The following GPC6 variants were observed in gnomAD, a reference collection of about 807,000 sequenced individuals.
GPC6 encodes glypican-6.
In GPC6, 14 loss-of-function variants were observed where a neutral mutation model predicts 55.2. The ratio of observed to expected loss-of-function variants is 0.25; its 90% confidence interval spans 0.17 to 0.40. GPC6 has a LOEUF of 0.40. Among genes scored for constraint, GPC6 ranks in the 10% least tolerant of loss-of-function variants. GPC6 has a pLI of 1.00. For synonymous variants in GPC6, 278 were observed against 259.6 expected (o/e 1.07, Z -0.68); for missense variants, 641 against 708.5 (o/e 0.90, Z 1.08).
At chr13:93,471,357 A>C (rs1594193448) in intron 1 of GPC6, among the ~76,000 whole-genome samples, 3 of 26,422 alleles carry the variant, frequency 1.1e-4, no homozygotes, top group Admixed American at 1.0e-3. Flanking sequence ...TTCTAAAAAT[A>C]CAAAAAAAAA....
chr13:93,891,943 A>C (rs1365611855), intron 3 of GPC6, among the ~76,000 whole-genome samples: 1 of 151,836 alleles, frequency 6.6e-6, no homozygotes, highest in African/African-American at 2.4e-5. Context: ...TAGTGTATGC[A>C]TGTGTGTATA....
intron 2 of GPC6, among the ~76,000 whole-genome samples, chr13:93,584,006 G>A (rs1200166675): frequency 2.0e-5 from 3 of 152,124 alleles, no homozygotes; most frequent in Non-Finnish European, 2.9e-5. Flanking sequence ...CTACATGGCC[G>A]CATAAAGTTG....
intron 4 of GPC6, among the ~76,000 whole-genome samples, chr13:94,182,705 C>T (rs1266667609): frequency 6.6e-6 from 1 of 152,140 alleles, no homozygotes; most frequent in Non-Finnish European, 1.5e-5. Flanking sequence ...GTTGTCCACA[C>T]ACAATTTTTA....
At chr13:94,034,994 A>G (rs940434940) in intron 4 of GPC6, among the ~76,000 whole-genome samples, 4 of 151,566 alleles carry the variant, frequency 2.6e-5, no homozygotes, top group African/African-American at 7.3e-5. Context: ...TTTAATTTCT[A>G]TGAGAAACAA....
At chr13:93,575,479 A>G (rs1209219640) in intron 2 of GPC6, among the ~76,000 whole-genome samples, 2 of 152,194 alleles carry the variant, frequency 1.3e-5, no homozygotes, top group South Asian at 4.1e-4. Flanking sequence ...TTTCAGATTC[A>G]GTAGATCTGG....
At chr13:94,026,797 G>C (rs866397355) in intron 3 of GPC6, among the ~76,000 whole-genome samples, 1 of 152,120 alleles carries the variant, frequency 6.6e-6, no homozygotes, top group Non-Finnish European at 1.5e-5. Context: ...CATGGTGGCA[G>C]TGAGGAGAAG....
At chr13:93,531,522 C>T (rs985327781) in intron 1 of GPC6, among the ~76,000 whole-genome samples, 1 of 152,090 alleles carries the variant, frequency 6.6e-6, no homozygotes, top group African/African-American at 2.4e-5. Context: ...AGGGTGATCT[C>T]CTTTACTTAA....
At chr13:94,080,617 T>A (rs189807704) in intron 4 of GPC6, among the ~76,000 whole-genome samples, 12 of 152,236 alleles carry the variant, frequency 7.9e-5, no homozygotes, top group Admixed American at 5.2e-4. Context: ...TTTCTCACAG[T>A]TCTGGAGGCT....
In GPC6 at chr13:94,110,408, G is replaced by C. The variant is rs145494971; in HGVS notation, c.877+82514G>C. ...TAGAAAAACCTATCTGCCTATTATA[G>C]TAAGTGAAGTAGAGTAGAGGGTGGA... On this transcript the variant is annotated intron_variant, in intron 4 of 8. Coordinates refer to ENST00000377047, the MANE Select transcript of GPC6 (RefSeq NM_005708.5). 3.9e-3 allele frequency among the ~76,000 whole-genome samples: 589 copies of C among 152,198 alleles called. 3 individuals carry two copies. Among genetic ancestry groups the C allele is most frequent in the African/African-American group, 0.013 (553 of 41,532 alleles).
rs1876604298 is a variant in GPC6 at position 94,317,574 on chromosome 13, T to C, written c.1152+11451T>C. Among the ~76,000 whole-genome samples the C allele has an allele frequency of 3.9e-5, 6 of 152,342 alleles. No individual in the cohort carries two copies. In the Middle Eastern group the frequency reaches 0.02, roughly 518 times the overall value. On this transcript the variant is annotated intron_variant, in intron 6 of 8. Coordinates refer to ENST00000377047, the MANE Select transcript of GPC6 (RefSeq NM_005708.5). ...ACTCAGGAAAATCAAATCTTCTTTA[T>C]GCAAAATGTCTTCAAGGAACAAGAA...
intron 1 of GPC6, among the ~76,000 whole-genome samples, chr13:93,478,513 C>G (rs1879384743): frequency 6.6e-6 from 1 of 152,170 alleles, no homozygotes; most frequent in Non-Finnish European, 1.5e-5. Context: ...CTGAAATTAT[C>G]ATGGTTCTAT....
At chr13:93,232,349 T>G (rs1876089919) in intron 1 of GPC6, among the ~76,000 whole-genome samples, 1 of 152,174 alleles carries the variant, frequency 6.6e-6, no homozygotes, top group African/African-American at 2.4e-5. Flanking sequence ...AATTTTTGTT[T>G]TTGTAATGAT....
At chr13:94,376,388 A>T (rs1295901308) in intron 6 of GPC6, among the ~76,000 whole-genome samples, 1 of 151,174 alleles carries the variant, frequency 6.6e-6, no homozygotes, top group Non-Finnish European at 1.5e-5. Context: ...AATCACAAGC[A>T]TTCTTATACA....
chr13:93,429,530 T>C (rs1566352514), intron 1 of GPC6, among the ~76,000 whole-genome samples: 2 of 152,134 alleles, frequency 1.3e-5, no homozygotes, highest in African/African-American at 2.4e-5. Context: ...TTGCTTCTCA[T>C]GTCTAGACAC....
intron 2 of GPC6, among the ~76,000 whole-genome samples, chr13:93,546,285 C>G (rs550875269): frequency 6.6e-6 from 1 of 152,194 alleles, no homozygotes; most frequent in Non-Finnish European, 1.5e-5. Flanking sequence ...ATTTTCTTCT[C>G]TCAGTTCAGT....
chr13:94,085,363 GA>G (rs1415837278), intron 4 of GPC6, among the ~76,000 whole-genome samples: 1 of 134,220 alleles, frequency 7.5e-6, no homozygotes, highest in Non-Finnish European at 1.6e-5. Flanking sequence ...AAAGAAAAAA[GA>G]AAAGAAAAAT....
chr13:93,943,789 A>G (rs1321710121), intron 3 of GPC6, among the ~76,000 whole-genome samples: 1 of 152,192 alleles, frequency 6.6e-6, no homozygotes, highest in Admixed American at 6.5e-5. Context: ...ATGGGCAGGC[A>G]CTCACTCTTT....
intron 1 of GPC6, among the ~76,000 whole-genome samples, chr13:93,409,240 C>A (rs1286764141): frequency 6.6e-6 from 1 of 151,806 alleles, no homozygotes; most frequent in Non-Finnish European, 1.5e-5. Flanking sequence ...CAGCTGGCAG[C>A]TGCATTGCCC....
intron 8 of GPC6, among the ~76,000 whole-genome samples, chr13:94,400,585 T>C (rs1881081412): frequency 6.6e-6 from 1 of 152,204 alleles, no homozygotes; most frequent in African/African-American, 2.4e-5. Context: ...GGTATTTAGA[T>C]GTCCCATTAA....
Sources: gnomAD v4.1 joint callset for allele counts (sites outside exome capture counted in the v4.1 genomes callset) on GRCh38, gnomAD v4.1.1 for gene constraint, MANE v1.5 for transcripts, NCBI Gene and HGNC (gene_info 2026-07-23, HGNC 2026-07-21) for gene names.